Variants in TAF3 observed in about 807,000 individuals in gnomAD.
TAF3 encodes transcription initiation factor TFIID subunit 3.
Under a neutral mutation model 80.6 loss-of-function variants are expected in TAF3, and 7 were observed. The observed-to-expected ratio is 0.09, with a 90% CI of 0.05 to 0.16. The LOEUF (loss-of-function observed/expected upper bound fraction) is 0.16. Ranked by LOEUF, TAF3 falls within the 10% of genes least tolerant of loss-of-function variation. The pLI is 1.00. For missense variants in TAF3, 921 were observed against 1,140.2 expected (o/e 0.81, Z 2.77); for synonymous variants, 444 against 446.1 (o/e 1.00, Z 0.06).
At chr10:7,823,934 A>G (rs913067959) in intron 1 of TAF3, among the ~76,000 whole-genome samples, 2 of 146,226 alleles carry the variant, frequency 1.4e-5, no homozygotes, top group Non-Finnish European at 3.0e-5. Context: ...CCCAGCTAAG[A>G]TGCCATCTCT....
chr10:8,011,907 G>A (rs1832059691), intron 5 of TAF3, among the ~76,000 whole-genome samples: 1 of 152,164 alleles, frequency 6.6e-6, no homozygotes, highest in Non-Finnish European at 1.5e-5. Context: ...GCTGTGCATG[G>A]TGTCTCACGC....
At chr10:7,864,724 T>A (rs1329187694) in intron 2 of TAF3, among the ~76,000 whole-genome samples, 3 of 152,234 alleles carry the variant, frequency 2.0e-5, no homozygotes, top group Non-Finnish European at 2.9e-5. Flanking sequence ...TCTATTTGTT[T>A]TCCAAATATT....
chr10:7,983,874 T>G (rs1204622022), intron 4 of TAF3, among the ~76,000 whole-genome samples: 2 of 147,322 alleles, frequency 1.4e-5, no homozygotes, highest in African/African-American at 5.2e-5. Flanking sequence ...AAATAAATTT[T>G]TAAAAAGCAA....
intron 3 of TAF3, among the ~76,000 whole-genome samples, chr10:7,969,355 T>C (rs34704750): frequency 0.063 from 9,595 of 152,184 alleles, 387 homozygotes; most frequent in South Asian, 0.14. Flanking sequence ...GCCATAATAG[T>C]TGTAGCAGTG....
At chr10:7,897,232 A>G (rs76391303) in intron 2 of TAF3, among the ~76,000 whole-genome samples, 4,727 of 152,306 alleles carry the variant, frequency 0.031, 89 homozygotes, top group African/African-American at 0.067. Flanking sequence ...ACACCCAAAG[A>G]GGACGGGATC....
At chr10:7,849,173 A>G (rs1043252771) in intron 2 of TAF3, among the ~76,000 whole-genome samples, 2 of 152,178 alleles carry the variant, frequency 1.3e-5, no homozygotes, top group African/African-American at 4.8e-5. Context: ...AAGTACTAGT[A>G]TTATCTTTTT....
At chr10:7,915,993 A>AG (rs1837708237) in intron 2 of TAF3, among the ~76,000 whole-genome samples, 1 of 152,104 alleles carries the variant, frequency 6.6e-6, no homozygotes, top group African/African-American at 2.4e-5. Flanking sequence ...AGAAAAAAAA[A>AG]AAACCATGTA....
chr10:7,884,747 A>C (rs1451944852), intron 2 of TAF3, among the ~76,000 whole-genome samples: 1 of 152,152 alleles, frequency 6.6e-6, no homozygotes, highest in African/African-American at 2.4e-5. Flanking sequence ...GGTCATTGCT[A>C]TTACAATGTC....
intron 2 of TAF3, among the ~76,000 whole-genome samples, chr10:7,884,754 T>TGCAATTGTATTACTAGGACTG (rs540346286): frequency 2.0e-5 from 3 of 152,336 alleles, no homozygotes; most frequent in African/African-American, 7.2e-5. Flanking sequence ...GCTATTACAA[T>TGCAATTGTATTACTAGGACTG]GTCATTGCTT....
chr10:7,845,334 G>A (rs1836959595), intron 2 of TAF3, among the ~76,000 whole-genome samples: 1 of 152,000 alleles, frequency 6.6e-6, no homozygotes, highest in African/African-American at 2.4e-5. Flanking sequence ...GTGTGCACAC[G>A]GTTCCTGCTT....
chr10:7,980,612 A>C (rs1831717408), intron 4 of TAF3, among the ~76,000 whole-genome samples: 1 of 152,336 alleles, frequency 6.6e-6, no homozygotes, highest in South Asian at 2.1e-4. Flanking sequence ...ACCAAAACCT[A>C]ACCCTGAAAT....
intron 2 of TAF3, among the ~76,000 whole-genome samples, chr10:7,957,066 G>A (rs1564370978): frequency 6.6e-6 from 1 of 152,056 alleles, no homozygotes; most frequent in East Asian, 1.9e-4. Context: ...TCACACGTGG[G>A]AAAAGCAAAT....
intron 4 of TAF3, among the ~76,000 whole-genome samples, chr10:7,977,758 G>C (rs556678571): frequency 1.3e-5 from 2 of 152,270 alleles, no homozygotes; most frequent in South Asian, 4.1e-4. Flanking sequence ...GTTTTATTCT[G>C]TACCTGTAAA....
At position 7,964,965 on chromosome 10, in the gene TAF3, G is replaced by A. The variant is rs764907293; in HGVS notation, c.1455G>A (p.Met485Ile). The change falls in exon 3 of 7, where the codon ATG becomes ATA. Residue 485 changes from methionine to isoleucine, a missense_variant. By Grantham distance (10) the Met-to-Ile change is conservative. Coordinates refer to ENST00000344293, the MANE Select transcript of TAF3 (RefSeq NM_031923.4). This position sits in a 1 kb window ranked among gnomAD's most constrained non-coding sequence, Gnocchi z 4.1. ...CAAAACTGGGAACACCTTCAAATAT[G>A]CCCCCCAACTTTCCTTATATCTCTT... ...RKAKLGTPSN[M>I]PPNFPYISSP... 6.2e-7 allele frequency: 1 copy of A among 1,613,998 alleles called. No individual in the cohort carries two copies. The highest frequency in any genetic ancestry group is 8.5e-7 in the Non-Finnish European group (1 of 1,179,984).
intron 2 of TAF3, among the ~76,000 whole-genome samples, chr10:7,959,993 A>C (rs1475901374): frequency 6.6e-6 from 1 of 152,166 alleles, no homozygotes; most frequent in East Asian, 1.9e-4. Context: ...TCCCTGGAGA[A>C]CACACACTGT....
intron 2 of TAF3, among the ~76,000 whole-genome samples, chr10:7,956,703 T>A (rs928409961): frequency 6.6e-6 from 1 of 152,180 alleles, no homozygotes; most frequent in African/African-American, 2.4e-5. Flanking sequence ...TTCACATCAT[T>A]TCCCTTTTTG....
intron 4 of TAF3, among the ~76,000 whole-genome samples, chr10:7,980,687 C>A (rs946925234): frequency 6.6e-6 from 1 of 152,194 alleles, no homozygotes; most frequent in Admixed American, 6.5e-5. Context: ...TCCAGCCTAG[C>A]AGAAGCCTTG....
intron 2 of TAF3, among the ~76,000 whole-genome samples, chr10:7,935,229 A>G (rs1225771206): frequency 1.3e-5 from 2 of 152,040 alleles, no homozygotes; most frequent in African/African-American, 2.4e-5. Context: ...GTGAGCCAAG[A>G]TCGTGCCACT....
chr10:7,961,624 A>G lies in TAF3; in HGVS notation c.410-2296A>G, dbSNP rs180781389. 3.1e-3 allele frequency among the ~76,000 whole-genome samples: 479 copies of G among 152,170 alleles called. 2 individuals are homozygous for G. The highest frequency in any genetic ancestry group is 5.0e-3 in the Admixed American group (76 of 15,294). ...TTCTTCCTTGTTCATATCATCCATCATGGTGACTTTAGTTATCTCAACAAC... is the reference window on the plus strand; with the variant it reads ...TTCTTCCTTGTTCATATCATCCATCGTGGTGACTTTAGTTATCTCAACAAC... On this transcript the variant is annotated intron_variant, in intron 2 of 6. Coordinates refer to ENST00000344293, the MANE Select transcript of TAF3 (RefSeq NM_031923.4).
Sources: gnomAD v4.1 joint callset for allele counts (sites outside exome capture counted in the v4.1 genomes callset) on GRCh38, gnomAD v4.1.1 for gene constraint, Gnocchi (gnomAD v3.1) non-coding constraint, MANE v1.5 for transcripts, NCBI Gene and HGNC (gene_info 2026-07-23, HGNC 2026-07-21) for gene names.